LDHAL6A: variants seen among roughly 807,000 people sequenced by gnomAD.
LDHAL6A encodes lactate dehydrogenase A like 6A, also known as L-lactate dehydrogenase A-like 6A.
In LDHAL6A, 19 loss-of-function variants were observed where a neutral mutation model predicts 28.2. The ratio of observed to expected loss-of-function variants is 0.67; its 90% CI spans 0.47 to 0.99. The LOEUF is 0.99. Among genes scored for constraint, LDHAL6A ranks in the 50% least tolerant of loss-of-function variants. LDHAL6A has a pLI of 0.00. For missense variants in LDHAL6A, 372 were observed against 398.6 expected, an observed-to-expected ratio of 0.93 and a Z score of 0.57; for synonymous variants, 144 against 134.4, an observed-to-expected ratio of 1.07 and a Z score of -0.49.
At chr11:18,474,965 GC>G (rs1312108759) in intron 3 of LDHAL6A, among the ~76,000 whole-genome samples, 4 of 152,028 alleles carry the variant, frequency 2.6e-5, no homozygotes, top group Admixed American at 6.6e-5. Context: ...ACTAGGCCAG[GC>G]ACGGTGGCTC....
At chr11:18,467,764 A>G (rs1426806915) in intron 3 of LDHAL6A, among the ~76,000 whole-genome samples, 1 of 149,866 alleles carries the variant, frequency 6.7e-6, no homozygotes, top group Non-Finnish European at 1.5e-5. Context: ...AGGCTGAGGC[A>G]AGAGAATCGC....
chr11:18,462,387 C>T (rs895015724), intron 1 of LDHAL6A, among the ~76,000 whole-genome samples: 4 of 152,028 alleles, frequency 2.6e-5, no homozygotes, highest in Middle Eastern at 3.4e-3. Flanking sequence ...CCTGTAATCC[C>T]AGCACTTTGG....
chr11:18,476,342 A>G, intron 4 of LDHAL6A, 42 bp from the exon 5 acceptor site: 1 of 1,597,966 alleles, frequency 6.3e-7, no homozygotes, highest in Non-Finnish European at 8.5e-7. Context: ...AAACCCTGCT[A>G]ATACCATGTA....
chr11:18,467,206 A>G (rs1849097303), intron 3 of LDHAL6A, among the ~76,000 whole-genome samples: 1 of 152,192 alleles, frequency 6.6e-6, no homozygotes, highest in African/African-American at 2.4e-5. Flanking sequence ...TGAGTGCATG[A>G]TTAAGTTTAT....
At chr11:18,465,948 A>G (rs2133872896) in intron 3 of LDHAL6A, 138 bp downstream of exon 3, 1 of 615,876 alleles carries the variant, frequency 1.6e-6, no homozygotes, top group Non-Finnish European at 2.8e-6. Flanking sequence ...AAAGTACCTA[A>G]TAGTTTTTCA....
At chr11:18,470,330 C>T (rs185999155) in intron 3 of LDHAL6A, among the ~76,000 whole-genome samples, 1 of 152,338 alleles carries the variant, frequency 6.6e-6, no homozygotes, top group African/African-American at 2.4e-5. Flanking sequence ...CCATGCAGGA[C>T]TGCCTTCAGA....
chr11:18,457,557 C>T (rs947834597), intron 1 of LDHAL6A, among the ~76,000 whole-genome samples: 2 of 152,096 alleles, frequency 1.3e-5, no homozygotes, highest in Non-Finnish European at 2.9e-5. Context: ...GACCTTATGG[C>T]ACTAAGGACA....
chr11:18,470,840 C>A (rs139703161), intron 3 of LDHAL6A, among the ~76,000 whole-genome samples: 129 of 152,046 alleles, frequency 8.5e-4, no homozygotes, highest in African/African-American at 2.9e-3. Context: ...GCGTGCACTA[C>A]CACGCCCAGC....
At chr11:18,463,665 C>CAGCCT (rs893397286) in intron 1 of LDHAL6A, among the ~76,000 whole-genome samples, 1 of 152,176 alleles carries the variant, frequency 6.6e-6, no homozygotes, top group Non-Finnish European at 1.5e-5. Flanking sequence ...TATCACTGTG[C>CAGCCT]AGCCTCAGCT....
At chr11:18,464,713 C>G (rs1849002676) in intron 2 of LDHAL6A, among the ~76,000 whole-genome samples, 1 of 140,332 alleles carries the variant, frequency 7.1e-6, no homozygotes. Context: ...GAAACTCTGT[C>G]TCAAAAAAAA....
Position 18,478,802 on chromosome 11 carries a change from G to GAAC in LDHAL6A, c.933_934insCAA (p.Glu311_Glu312insGln). On this transcript the variant is annotated inframe_insertion, in exon 7 of 7. Transcript: ENST00000280706. Reference sequence around the variant, plus strand: ...CCTCATAAAAGTAAAACTGACTCTTGAAGAGGAGGCCTGCTTGCAAAAGAG... The same window carrying GAAC: ...CCTCATAAAAGTAAAACTGACTCTTGAACAAGAGGAGGCCTGCTTGCAAAAGAG... 1 of 1,613,918 alleles carries GAAC rather than the reference G, an allele frequency of 6.2e-7. No homozygotes were observed. Among genetic ancestry groups the GAAC allele is most frequent in the Non-Finnish European group, 8.5e-7 (1 of 1,179,922 alleles).
chr11:18,461,353 C>G (rs1183776886), intron 1 of LDHAL6A, among the ~76,000 whole-genome samples: 1 of 148,678 alleles, frequency 6.7e-6, no homozygotes, highest in Admixed American at 6.7e-5. Flanking sequence ...CCATATTGGC[C>G]AGGTTGGTCT....
rs1185350689 is a variant in LDHAL6A at position 18,478,739 on chromosome 11, A to AGT, written c.871_872dup (p.Pro292SerfsTer14). ...TGGAATAAATGAAGACATATTCCTT[A>AGT]GTGTCCCATGTATCCTGGGAGAGAA... is the stretch of plus-strand genomic sequence containing the variant. On this transcript the variant is annotated frameshift_variant, in exon 7 of 7. Transcript: ENST00000280706. LOFTEE classifies it low-confidence loss of function (END_TRUNC). 6.2e-7 allele frequency: 1 copy of AGT among 1,611,638 alleles called. No individual in the cohort carries two copies. Among genetic ancestry groups the AGT allele is most frequent in the Non-Finnish European group, 8.5e-7 (1 of 1,178,316 alleles).
rs1043577514 is a variant in LDHAL6A, at chr11:18,462,491, G to T, written c.127-1470G>T. Among the ~76,000 whole-genome samples the T allele has an allele frequency of 1.2e-4, 18 of 151,948 alleles. 1 individual carries two copies. Among genetic ancestry groups the T allele is most frequent in the Admixed American group, 6.6e-4 (10 of 15,256 alleles). ...TCTCTACTAAAAATACAAAAAATTA[G>T]CCAGGTGTGGTGGCGGGCGCCTGTA... On this transcript the variant is annotated intron_variant, in intron 1 of 6. Coordinates refer to ENST00000280706, the MANE Select transcript of LDHAL6A (RefSeq NM_144972.5).
intron 2 of LDHAL6A, among the ~76,000 whole-genome samples, chr11:18,464,552 T>C (rs1030009067): frequency 8.6e-5 from 13 of 151,938 alleles, no homozygotes; most frequent in African/African-American, 1.7e-4. Flanking sequence ...CTGTCTCTAT[T>C]AAAAACATAA....
intron 3 of LDHAL6A, among the ~76,000 whole-genome samples, chr11:18,474,162 C>T (rs1253514659): frequency 2.0e-5 from 3 of 151,788 alleles, no homozygotes; most frequent in Non-Finnish European, 4.4e-5. Flanking sequence ...TCACTGCAAC[C>T]TTCACCTCCC....
intron 1 of LDHAL6A, among the ~76,000 whole-genome samples, chr11:18,462,429 A>C (rs1024142689): frequency 2.6e-5 from 4 of 151,644 alleles, no homozygotes; most frequent in African/African-American, 9.7e-5. Flanking sequence ...CTAGGTCAGG[A>C]GATCAAGACC....
In LDHAL6A at chr11:18,463,981, C is replaced by G. The variant is rs1684195654; in HGVS notation, c.147C>G (p.Val49=). 6.2e-7 allele frequency: 1 copy of G among 1,613,232 alleles called. No individual in the cohort carries two copies. The highest frequency in any genetic ancestry group is 8.5e-7 in the Non-Finnish European group (1 of 1,179,330). Residue 49 remains valine (V), a synonymous_variant, in exon 2 of 7, where the codon GTC becomes GTG. Coordinates refer to ENST00000280706, the MANE Select transcript of LDHAL6A (RefSeq NM_144972.5). ...TTCAGGGTTTGAGTGATGAACTTGT[C>G]CTTGTGGATGTTGATGAAGGCAAAC... ...ILLKGLSDEL[V]LVDVDEGKLK... is the part of the protein sequence containing the mutation.
intron 2 of LDHAL6A, among the ~76,000 whole-genome samples, chr11:18,464,968 G>GTTTTTTTTTTTTTTTTTTTTT (rs1565068644): frequency 2.9e-3 from 11 of 3,794 alleles, no homozygotes; most frequent in African/African-American, 4.1e-3. Context: ...GAGGTGAGGT[G>GTTTTTTTTTTTTTTTTTTTTT]TTTTTTTTGT....
Sources: allele counts gnomAD v4.1 joint callset (sites outside exome capture counted in the v4.1 genomes callset), GRCh38; gene constraint gnomAD v4.1.1; transcripts MANE v1.5; gene names NCBI Gene and HGNC (gene_info 2026-07-23, HGNC 2026-07-21).